The following SNX30 variants were observed in gnomAD, a reference collection of about 807,000 sequenced individuals.
SNX30 encodes the protein sorting nexin-30.
SNX30 carries 24 observed loss-of-function variants against 46.4 expected under a neutral mutation model. The observed-to-expected ratio is 0.52, with a 90% CI of 0.37 to 0.73. SNX30 has a LOEUF of 0.73. Among genes scored for constraint, SNX30 ranks in the 30% least tolerant of loss-of-function variants. The probability of loss-of-function intolerance (pLI) is 0.00; values close to 1 mark genes in which losing one functional copy is unlikely to be tolerated. For synonymous variants in SNX30, 189 were observed against 211.5 expected, an observed-to-expected ratio of 0.89 and a Z score of 0.92; for missense variants, 533 against 555.7, an observed-to-expected ratio of 0.96 and a Z score of 0.41.
At chr9:112,827,628 T>C (rs151107859) in intron 3 of SNX30, among the ~76,000 whole-genome samples, 1,835 of 152,296 alleles carry the variant, frequency 0.012, 20 homozygotes, top group Non-Finnish European at 0.018. Flanking sequence ...ATTCCACTTT[T>C]TTGGGTTGGC....
chr9:112,775,695 T>A (rs911366559), intron 1 of SNX30, among the ~76,000 whole-genome samples: 15 of 151,300 alleles, frequency 9.9e-5, no homozygotes, highest in African/African-American at 3.6e-4. Flanking sequence ...CAGGTTTCCC[T>A]CCTCAGAGGC....
intron 1 of SNX30, among the ~76,000 whole-genome samples, chr9:112,765,745 C>T (rs929545113): frequency 6.6e-6 from 1 of 152,176 alleles, no homozygotes; most frequent in African/African-American, 2.4e-5. Flanking sequence ...ATTAAGCTAG[C>T]TAAACATATC....
At chr9:112,879,523 C>T (rs915055085), downstream of SNX30, 8 of 489,730 alleles carry the variant, frequency 1.6e-5, no homozygotes, top group African/African-American at 1.2e-4. Flanking sequence ...TCACAGAACC[C>T]AGTGTCTGCC....
intron 7 of SNX30, among the ~76,000 whole-genome samples, chr9:112,859,710 C>A (rs1419189202): frequency 6.6e-6 from 1 of 151,422 alleles, no homozygotes; most frequent in Non-Finnish European, 1.5e-5. Flanking sequence ...CTCCCGGAGA[C>A]CAGCCAGGCT....
rs370982897 is a variant in SNX30 at position 112,830,907 on chromosome 9, C to T, written c.618+24C>T. The T allele has an allele frequency of 2.6e-5, 41 of 1,590,016 alleles. No individual in the cohort carries two copies. The African/African-American group carries it at 5.4e-4, about 21-fold the overall frequency. ...AGGTAAGGGCAGAAATTTACATCCT[C>T]TTCGTCCATATTACCATTCTTGGGG... is the stretch of plus-strand genomic sequence containing the variant. On this transcript the variant is annotated intron_variant, in intron 4 of 8. Coordinates refer to ENST00000374232, the MANE Select transcript of SNX30 (RefSeq NM_001012994.2).
At chr9:112,754,572 AT>A (rs372693095) in intron 1 of SNX30, among the ~76,000 whole-genome samples, 2 of 151,738 alleles carry the variant, frequency 1.3e-5, no homozygotes, top group Admixed American at 6.6e-5. Context: ...CACCTGGCTA[AT>A]TTTTTTATTT....
intron 4 of SNX30, among the ~76,000 whole-genome samples, chr9:112,834,057 A>G (rs1187710620): frequency 6.7e-6 from 1 of 148,994 alleles, no homozygotes; most frequent in Non-Finnish European, 1.5e-5. Context: ...GGGGGAAGGT[A>G]TGGATAGGTG....
chr9:112,791,801 C>T (rs1840029702), intron 1 of SNX30, among the ~76,000 whole-genome samples: 2 of 152,082 alleles, frequency 1.3e-5, no homozygotes, highest in East Asian at 3.8e-4. Context: ...TAGTTTTGGA[C>T]ATGAGTATCT....
At chr9:112,772,370 G>C (rs966716071) in intron 1 of SNX30, among the ~76,000 whole-genome samples, 4 of 152,176 alleles carry the variant, frequency 2.6e-5, no homozygotes, top group Non-Finnish European at 4.4e-5. Context: ...TCCTCTCCAG[G>C]TGTGCTGGGA....
intron 7 of SNX30, among the ~76,000 whole-genome samples, chr9:112,859,466 TACTC>T (rs766920354): frequency 4.5e-4 from 69 of 152,342 alleles, no homozygotes; most frequent in Admixed American, 1.2e-3. Context: ...TTTGGATATG[TACTC>T]AGAAGTGGAA....
intron 2 of SNX30, among the ~76,000 whole-genome samples, chr9:112,806,575 T>G (rs913523402): frequency 6.6e-6 from 1 of 152,238 alleles, no homozygotes; most frequent in Non-Finnish European, 1.5e-5. Flanking sequence ...GTTCTGTACC[T>G]TTTAAAATTC....
chr9:112,767,126 T>TA (rs1233687105), intron 1 of SNX30, among the ~76,000 whole-genome samples: 5 of 151,248 alleles, frequency 3.3e-5, no homozygotes, highest in African/African-American at 7.3e-5. Context: ...ATTATTTTAT[T>TA]TTTTTTTTTT....
At chr9:112,814,159 A>T (rs926179104) in intron 2 of SNX30, among the ~76,000 whole-genome samples, 3 of 152,258 alleles carry the variant, frequency 2.0e-5, no homozygotes, top group Admixed American at 2.0e-4. Flanking sequence ...TCTGTATCAG[A>T]CAAACCATTT....
chr9:112,804,273 T>G (rs1840186942), intron 1 of SNX30, among the ~76,000 whole-genome samples: 1 of 152,186 alleles, frequency 6.6e-6, no homozygotes, highest in African/African-American at 2.4e-5. Flanking sequence ...CAAGCAATTC[T>G]CCTGCCTCAG....
intron 7 of SNX30, among the ~76,000 whole-genome samples, chr9:112,856,999 G>T (rs1345385897): frequency 6.6e-6 from 1 of 152,188 alleles, no homozygotes; most frequent in Non-Finnish European, 1.5e-5. Flanking sequence ...GGTGGAGCCG[G>T]TATGGAGTCC....
At chr9:112,879,492 C>T, downstream of SNX30, 2 of 420,540 alleles carry the variant, frequency 4.8e-6, no homozygotes, top group South Asian at 3.7e-5. Flanking sequence ...TGCCTGTAAC[C>T]CTTAAGGTCA....
intron 1 of SNX30, among the ~76,000 whole-genome samples, chr9:112,760,399 C>T (rs1009734691): frequency 6.6e-6 from 1 of 152,194 alleles, no homozygotes; most frequent in Non-Finnish European, 1.5e-5. Flanking sequence ...TCTGGTCTAA[C>T]ATCAATATCT....
chr9:112,851,335 C>G (rs1387707237), intron 7 of SNX30, among the ~76,000 whole-genome samples: 1 of 152,220 alleles, frequency 6.6e-6, no homozygotes, highest in Non-Finnish European at 1.5e-5. Context: ...TTGGAAACTT[C>G]TATAGGAATT....
chr9:112,764,387 C>T lies in SNX30; in HGVS notation c.156+13230C>T, dbSNP rs530275642. 5.4e-4 allele frequency among the ~76,000 whole-genome samples: 82 copies of T among 152,172 alleles called. 1 individual carries two copies. The South Asian group carries it at 0.01, about 19-fold the overall frequency. The stretch of plus-strand genomic sequence containing the variant: ...GTGTTTGTCGTCGTTGTTGTTGTTG[C>T]TGTTTTTTAAAGAGATGGGGTCTCA... On this transcript the variant is annotated intron_variant, in intron 1 of 8. Transcript: ENST00000374232.
Sources: gnomAD v4.1 joint callset for allele counts (sites outside exome capture counted in the v4.1 genomes callset) on GRCh38, gnomAD v4.1.1 for gene constraint, MANE v1.5 for transcripts, NCBI Gene and HGNC (gene_info 2026-07-23, HGNC 2026-07-21) for gene names.